Variants in ASTN1 observed in about 807,000 individuals in gnomAD.
ASTN1 encodes astrotactin 1.
In ASTN1, 41 loss-of-function variants were observed where a neutral mutation model predicts 140.7. The observed-to-expected ratio is 0.29, with a 90% CI of 0.23 to 0.38. ASTN1 has a LOEUF of 0.38. Ranked by LOEUF, ASTN1 falls within the 10% of genes least tolerant of loss-of-function variation. The pLI, the probability that ASTN1 is intolerant of heterozygous loss-of-function variation, is 1.00. For missense variants in ASTN1, 1,479 were observed against 1,678.8 expected, an observed-to-expected ratio of 0.88 and a Z score of 2.08; for synonymous variants, 640 against 652.2, an observed-to-expected ratio of 0.98 and a Z score of 0.29.
chr1:176,887,152 T>C (rs1389585492), intron 18 of ASTN1, among the ~76,000 whole-genome samples: 1 of 152,236 alleles, frequency 6.6e-6, no homozygotes, highest in African/African-American at 2.4e-5. Flanking sequence ...TGGAGCACTC[T>C]TTCTAATAGC....
chr1:177,018,532 G>T (rs1675669213), intron 7 of ASTN1, among the ~76,000 whole-genome samples: 1 of 152,212 alleles, frequency 6.6e-6, no homozygotes, highest in Non-Finnish European at 1.5e-5. Context: ...GGACAGAAGA[G>T]ATTTCAGTGA....
intron 8 of ASTN1, among the ~76,000 whole-genome samples, chr1:176,992,165 A>G (rs1411322650): frequency 6.6e-6 from 1 of 152,188 alleles, no homozygotes; most frequent in Non-Finnish European, 1.5e-5. Context: ...AAGTCCCTCA[A>G]TGCAGAGTTG....
chr1:176,990,663 T>C (rs1386440286), intron 8 of ASTN1, among the ~76,000 whole-genome samples: 1 of 151,880 alleles, frequency 6.6e-6, no homozygotes, highest in Non-Finnish European at 1.5e-5. Flanking sequence ...ACTCTAAAAA[T>C]CACAAATAGG....
At chr1:177,143,619 G>A (rs1035853391) in intron 1 of ASTN1, among the ~76,000 whole-genome samples, 2 of 152,110 alleles carry the variant, frequency 1.3e-5, no homozygotes, top group Non-Finnish European at 2.9e-5. Context: ...ATTTTGCCAT[G>A]TCAATATGCC....
intron 1 of ASTN1, among the ~76,000 whole-genome samples, chr1:177,135,478 G>A (rs1483036175): frequency 6.6e-6 from 1 of 152,014 alleles, no homozygotes; most frequent in Admixed American, 6.6e-5. Context: ...GAGGCATGGA[G>A]GAAACGACAG....
At chr1:176,961,660 A>G (rs1484852063) in intron 9 of ASTN1, among the ~76,000 whole-genome samples, 2 of 152,196 alleles carry the variant, frequency 1.3e-5, no homozygotes, top group Non-Finnish European at 2.9e-5. Flanking sequence ...GCTCAGGCCT[A>G]TGGAATTCTA....
chr1:177,145,876 C>A (rs1378992381), intron 1 of ASTN1, among the ~76,000 whole-genome samples: 6 of 152,142 alleles, frequency 3.9e-5, no homozygotes, highest in Non-Finnish European at 8.8e-5. Context: ...GCTGAAGTAC[C>A]ATGGGAGTTA....
chr1:176,918,011 T>C (rs184355844), intron 16 of ASTN1, among the ~76,000 whole-genome samples: 21 of 152,324 alleles, frequency 1.4e-4, no homozygotes, highest in Admixed American at 1.2e-3. Context: ...TTTATTATTC[T>C]CTAAGTGAAC....
intron 8 of ASTN1, among the ~76,000 whole-genome samples, chr1:176,973,028 A>T (rs769597213): frequency 2.0e-5 from 3 of 152,032 alleles, no homozygotes; most frequent in Non-Finnish European, 4.4e-5. Flanking sequence ...ACACTTCTCC[A>T]TAATTTTTGG....
chr1:176,935,267 G>T (rs1221355933), intron 15 of ASTN1, among the ~76,000 whole-genome samples: 1 of 152,194 alleles, frequency 6.6e-6, no homozygotes, highest in East Asian at 1.9e-4. Context: ...GTGTGACTTT[G>T]GACGGCATGT....
chr1:177,040,751 T>A (rs1355216933), intron 2 of ASTN1, among the ~76,000 whole-genome samples: 1 of 152,262 alleles, frequency 6.6e-6, no homozygotes, highest in Non-Finnish European at 1.5e-5. Context: ...CCATTAGGTT[T>A]GATCGTCTTT....
At chr1:176,995,668 C>A (rs1438289644) in intron 8 of ASTN1, among the ~76,000 whole-genome samples, 1 of 152,138 alleles carries the variant, frequency 6.6e-6, no homozygotes, top group Non-Finnish European at 1.5e-5. Flanking sequence ...TGTAGTTCAC[C>A]TTAGGAAACT....
chr1:177,029,668 G>A lies in ASTN1; in HGVS notation c.1086C>T (p.Tyr362=). The A allele has an allele frequency of 6.2e-7, 1 of 1,613,898 alleles. No individual in the cohort carries two copies. The highest frequency in any genetic ancestry group is 8.5e-7 in the Non-Finnish European group (1 of 1,179,940). The change falls in exon 5 of 23, where the codon TAC becomes TAT. Residue 362 remains tyrosine (Y), a synonymous_variant. Coordinates refer to ENST00000361833, the MANE Select transcript of ASTN1 (RefSeq NM_004319.3). The part of the protein sequence containing the change: ...EAENDPQLTF[Y]TDPSRSRRRS... ...GCCTCCTGCTCCTTGAAGGATCCGT[G>A]TAAAAGGTCAGCTGGGGGTCGTTTT...
At position 176,864,099 on chromosome 1, in the gene ASTN1, T is replaced by G. The variant is rs1039517398; in HGVS notation, c.*185A>C. On this transcript the variant is annotated 3_prime_UTR_variant, in exon 23 of 23. Coordinates refer to ENST00000361833, the MANE Select transcript of ASTN1 (RefSeq NM_004319.3). Reference sequence around the variant, plus strand: ...CACTGGCTGGCAGATTTCCCAATCATGCAGATGGAGAACATCATACTGAAG... The same window carrying G: ...CACTGGCTGGCAGATTTCCCAATCAGGCAGATGGAGAACATCATACTGAAG... 6 of 1,423,940 alleles carry G rather than the reference T, an allele frequency of 4.2e-6. No individual in the cohort carries two copies. In the African/African-American group the frequency reaches 7.1e-5, roughly 17 times the overall value. 88.2% of individuals were successfully genotyped at this position (1,423,940 alleles called of 1,614,324 possible). A position where few individuals can be genotyped will look rare whatever the true frequency, so the allele number is the denominator to read the frequency against.
intron 16 of ASTN1, among the ~76,000 whole-genome samples, chr1:176,926,894 C>A (rs1670992794): frequency 6.6e-6 from 1 of 152,216 alleles, no homozygotes; most frequent in African/African-American, 2.4e-5. Flanking sequence ...AGGCTGTCCG[C>A]ATTCACAGAG....
Position 176,863,858 on chromosome 1 carries a change from C to T in ASTN1, c.*426G>A. On this transcript the variant is annotated 3_prime_UTR_variant, in exon 23 of 23. Transcript: ENST00000361833. ...CTTGAGGGTGGGGCCTGCGGCAGGC[C>T]TAACAACTTTCTGGCCTCACCTCTG... is the stretch of plus-strand genomic sequence containing the variant. The T allele has an allele frequency of 1.0e-6, 1 of 1,001,408 alleles. No homozygotes were observed. The highest frequency in any genetic ancestry group is 1.2e-6 in the Non-Finnish European group (1 of 838,714). The allele number at this position is 1,001,408 out of a possible 1,614,324, so 62.0% of individuals were successfully genotyped here.
intron 8 of ASTN1, among the ~76,000 whole-genome samples, chr1:176,967,578 T>A (rs1210387193): frequency 6.6e-6 from 1 of 152,248 alleles, no homozygotes; most frequent in Non-Finnish European, 1.5e-5. Context: ...TAATTATAGT[T>A]AATTGTTGGC....
In ASTN1 at chr1:176,861,992, C is replaced by A; in HGVS notation, c.*2292G>T. The A allele has an allele frequency of 1.0e-6, 1 of 985,484 alleles. No individual in the cohort carries two copies. Among genetic ancestry groups the A allele is most frequent in the Non-Finnish European group, 1.2e-6 (1 of 830,024 alleles). 61.0% of individuals were successfully genotyped at this position (985,484 alleles called of 1,614,324 possible). The stretch of plus-strand genomic sequence containing the variant: ...CTTCTGGGCAGGAAGGCATCGGCAG[C>A]CTCACCCTCCTTTCACTCAAGCTTA... On this transcript the variant is annotated 3_prime_UTR_variant, in exon 23 of 23. Transcript: ENST00000361833.
intron 16 of ASTN1, among the ~76,000 whole-genome samples, chr1:176,910,702 G>A (rs1472830186): frequency 6.6e-6 from 1 of 152,188 alleles, no homozygotes; most frequent in Admixed American, 6.5e-5. Flanking sequence ...ATATGGTGTA[G>A]CACAGGGGTC....
Sources: allele counts gnomAD v4.1 joint callset (sites outside exome capture counted in the v4.1 genomes callset), GRCh38; gene constraint gnomAD v4.1.1; transcripts MANE v1.5; gene names NCBI Gene and HGNC (gene_info 2026-07-23, HGNC 2026-07-21).